The following TMEM260 variants were observed in gnomAD, a reference collection of about 807,000 sequenced individuals.
TMEM260 encodes protein O-mannosyl-transferase TMEM260.
In TMEM260, 82 loss-of-function variants were observed where a neutral mutation model predicts 88.9. That is an observed-to-expected ratio of 0.92 (90% CI 0.77 to 1.11). TMEM260 has a LOEUF of 1.11. Among genes scored for constraint, TMEM260 ranks in the 50% least tolerant of loss-of-function variants. The pLI, the probability that TMEM260 is intolerant of heterozygous loss-of-function variation, is 0.00. For missense variants in TMEM260, 902 were observed against 853.4 expected (o/e 1.06, Z -0.71); for synonymous variants, 314 against 309.3 (o/e 1.02, Z -0.16).
upstream of TMEM260, chr14:56,579,544 G>C (rs1293282868): frequency 5.1e-6 from 1 of 196,378 alleles, no homozygotes; most frequent in Non-Finnish European, 1.0e-5. Flanking sequence ...ACGCTGCTTT[G>C]GTCTCTGTCA....
the TMEM260 span, among the ~76,000 whole-genome samples, chr14:56,656,277 A>G: frequency 6.6e-6 from 1 of 152,074 alleles, no homozygotes; most frequent in Non-Finnish European, 1.5e-5. Flanking sequence ...AAAATTGCCA[A>G]GCATGGTGTC....
At chr14:56,653,198 G>C (rs545891136), downstream of TMEM260, among the ~76,000 whole-genome samples, 45 of 151,346 alleles carry the variant, frequency 3.0e-4, no homozygotes, top group African/African-American at 9.2e-4. Flanking sequence ...GCAAGACTCT[G>C]TTTCAAAAAA....
chr14:56,654,467 A>G (rs1276216063), downstream of TMEM260, among the ~76,000 whole-genome samples: 1 of 152,060 alleles, frequency 6.6e-6, no homozygotes. Flanking sequence ...CCAGAAACGG[A>G]CCCCACCTAC....
At chr14:56,600,002 T>C (rs17091768) in intron 3 of TMEM260, among the ~76,000 whole-genome samples, 3,284 of 152,330 alleles carry the variant, frequency 0.022, 153 homozygotes, top group African/African-American at 0.075. Flanking sequence ...GTAGACAATT[T>C]GGTCAACATT....
intron 3 of TMEM260, among the ~76,000 whole-genome samples, chr14:56,587,537 C>T (rs907255417): frequency 6.6e-6 from 1 of 151,800 alleles, no homozygotes; most frequent in African/African-American, 2.4e-5. Flanking sequence ...TAGCCTGTAA[C>T]GCTTTTCTTT....
intron 15 of TMEM260, among the ~76,000 whole-genome samples, chr14:56,639,726 T>G (rs1889422556): frequency 6.6e-6 from 1 of 152,230 alleles, no homozygotes; most frequent in Admixed American, 6.5e-5. Context: ...GGGAATTCCC[T>G]TTCCTAGTCA....
the TMEM260 span, among the ~76,000 whole-genome samples, chr14:56,657,319 T>A: frequency 6.6e-5 from 10 of 152,258 alleles, no homozygotes; most frequent in African/African-American, 2.2e-4. Flanking sequence ...TTTACTTTTT[T>A]AAAAATAGAG....
chr14:56,604,352 A>T (rs1886763722), intron 4 of TMEM260, among the ~76,000 whole-genome samples: 1 of 152,188 alleles, frequency 6.6e-6, no homozygotes, highest in African/African-American at 2.4e-5. Flanking sequence ...ATTAGGATGC[A>T]TTGACTCACT....
chr14:56,645,803 G>T (rs1292966309), intron 15 of TMEM260, among the ~76,000 whole-genome samples: 3 of 152,154 alleles, frequency 2.0e-5, no homozygotes, highest in Non-Finnish European at 4.4e-5. Flanking sequence ...TATCAGAGGA[G>T]GGCTCAGGAA....
chr14:56,623,001 C>T (rs1408097992), intron 11 of TMEM260, among the ~76,000 whole-genome samples: 5 of 152,086 alleles, frequency 3.3e-5, no homozygotes, highest in Non-Finnish European at 5.9e-5. Flanking sequence ...ATGTCAGCTC[C>T]TGTAGTTGAG....
intron 7 of TMEM260, chr14:56,615,737 C>T: frequency 4.0e-6 from 2 of 505,436 alleles, no homozygotes; most frequent in South Asian, 3.3e-5. Context: ...AGTTGATAAC[C>T]AAATGTTACC....
intron 12 of TMEM260, among the ~76,000 whole-genome samples, chr14:56,627,943 G>A (rs1390697860): frequency 6.6e-6 from 1 of 152,144 alleles, no homozygotes; most frequent in African/African-American, 2.4e-5. Flanking sequence ...GGCAACCACT[G>A]ATCTGTTCTT....
intron 15 of TMEM260, among the ~76,000 whole-genome samples, chr14:56,639,390 G>A (rs1295622884): frequency 6.6e-6 from 1 of 152,142 alleles, no homozygotes; most frequent in East Asian, 1.9e-4. Context: ...ATTATGCATG[G>A]AGGCCTGTAT....
chr14:56,585,924 G>T lies in TMEM260; in HGVS notation c.344+12G>T, dbSNP rs922767038. ...TTCACCGTTTTCAGGTAAAGTAGTT[G>T]ATTAGTTAAAATTAATTTTGAGCAG... On this transcript the variant is annotated intron_variant, in intron 3 of 15. Coordinates refer to ENST00000261556, the MANE Select transcript of TMEM260 (RefSeq NM_017799.4). 2.5e-6 allele frequency: 4 copies of T among 1,609,504 alleles called. No homozygotes were observed. The highest frequency in any genetic ancestry group is 3.4e-6 in the Non-Finnish European group (4 of 1,178,374).
At chr14:56,628,844 T>A (rs935288435) in intron 12 of TMEM260, among the ~76,000 whole-genome samples, 1 of 152,126 alleles carries the variant, frequency 6.6e-6, no homozygotes, top group Non-Finnish European at 1.5e-5. Flanking sequence ...TTGATATGTT[T>A]AGATGTATGT....
Position 56,648,411 on chromosome 14 carries a change from T to C in TMEM260, c.*914T>C, listed in dbSNP as rs1594909209. 1 of 152,682 alleles carries C rather than the reference T, an allele frequency of 6.5e-6. No homozygotes were observed. Among genetic ancestry groups the C allele is most frequent in the South Asian group, 2.1e-4 (1 of 4,828 alleles). The allele number at this position is 152,682 out of a possible 1,614,324, so 9.5% of individuals were successfully genotyped here. A position where few individuals can be genotyped will look rare whatever the true frequency, so the allele number is the denominator to read the frequency against. On this transcript the variant is annotated 3_prime_UTR_variant, in exon 16 of 16. Transcript: ENST00000261556. ...GTTAATTAATAGCAACCTGTTTTAA[T>C]GAATAAAGTCACTCAGAGTCCTTCA...
intron 6 of TMEM260, among the ~76,000 whole-genome samples, chr14:56,611,992 A>G (rs1339943654): frequency 6.6e-6 from 1 of 152,152 alleles, no homozygotes; most frequent in Non-Finnish European, 1.5e-5. Flanking sequence ...GGCAGAGGGT[A>G]GGAGGAGGGA....
In TMEM260 at chr14:56,634,903, G is replaced by A; in HGVS notation, c.1729G>A (p.Asp577Asn). The A allele has an allele frequency of 1.2e-6, 2 of 1,613,066 alleles. No individual in the cohort carries two copies. The highest frequency in any genetic ancestry group is 1.7e-6 in the Non-Finnish European group (2 of 1,179,260). ...ACTGTTTTCTTGTAACTACAGGTTT[G>A]ATCCATCTTCTTGGGAATCTGTGGC... ...YNWTEEYGRF[D>N]PSSWESVANE... The change falls in exon 14 of 16, where the codon GAT becomes AAT. Residue 577 changes from aspartate (D) to asparagine (N), a missense_variant. Coordinates refer to ENST00000261556, the MANE Select transcript of TMEM260 (RefSeq NM_017799.4).
At chr14:56,617,337 G>A in intron 9 of TMEM260, 40 bp downstream of exon 9, 1 of 1,322,966 alleles carries the variant, frequency 7.6e-7, no homozygotes, top group Non-Finnish European at 1.1e-6. Context: ...CAGAAAGTTT[G>A]TGAAGAATGT....
Sources: allele counts gnomAD v4.1 joint callset (sites outside exome capture counted in the v4.1 genomes callset), GRCh38; gene constraint gnomAD v4.1.1; transcripts MANE v1.5; gene names NCBI Gene and HGNC (gene_info 2026-07-23, HGNC 2026-07-21).